CRB1: variants seen among roughly 807,000 people sequenced by gnomAD.
CRB1 encodes the protein protein crumbs homolog 1.
Under a neutral mutation model 120.0 loss-of-function variants are expected in CRB1, and 83 were observed. That is an observed-to-expected ratio of 0.69 (90% CI 0.58 to 0.83). The LOEUF (loss-of-function observed/expected upper bound fraction) is 0.83, where lower values mean the gene tolerates loss of function less well. Ranked by LOEUF, CRB1 falls within the 40% of genes least tolerant of loss-of-function variation. The probability of loss-of-function intolerance (pLI) is 0.00; values close to 1 mark genes in which losing one functional copy is unlikely to be tolerated. For synonymous variants in CRB1, 625 were observed against 612.5 expected (o/e 1.02, Z -0.30); for missense variants, 1,699 against 1,687.6 (o/e 1.01, Z -0.12).
chr1:197,222,338 A>T, the CRB1 span: 1 of 737,788 alleles, frequency 1.4e-6, no homozygotes, highest in East Asian at 2.6e-5. Context: ...AGTGAATCCC[A>T]GACGTGGCTG....
chr1:197,273,750 G>A (rs916120919), intron 1 of CRB1, among the ~76,000 whole-genome samples: 11 of 151,862 alleles, frequency 7.2e-5, no homozygotes, highest in Non-Finnish European at 1.2e-4. Context: ...TTCTTTTCAC[G>A]TACTCCCCAT....
chr1:197,333,162 T>C (rs1397433179), intron 2 of CRB1, among the ~76,000 whole-genome samples: 3 of 151,918 alleles, frequency 2.0e-5, no homozygotes, highest in Non-Finnish European at 2.9e-5. Flanking sequence ...GGCAGAGAGG[T>C]AGAAGGGGAA....
intron 5 of CRB1, among the ~76,000 whole-genome samples, chr1:197,394,169 A>G (rs890777204): frequency 6.6e-6 from 1 of 151,948 alleles, no homozygotes; most frequent in Admixed American, 6.6e-5. Context: ...TTCTACTTCC[A>G]CTTCCTCTGT....
rs2125551434 is a variant in CRB1 at position 197,463,421 on chromosome 1, A to G, written c.4006-14243A>G. 1.3e-5 allele frequency among the ~76,000 whole-genome samples: 2 copies of G among 152,344 alleles called. 1 individual carries two copies. The highest frequency in any genetic ancestry group is 4.1e-4 in the South Asian group (2 of 4,830). ...AGTAATCAGAGAAGCATGATTGGTT[A>G]CATAAGCACTGTGCATAGTAAGAGA... On this transcript the variant is annotated intron_variant, in intron 11 of 11. Transcript: ENST00000367400.
intron 4 of CRB1, among the ~76,000 whole-genome samples, chr1:197,354,907 G>C (rs1282791655): frequency 3.3e-5 from 4 of 121,424 alleles, no homozygotes; most frequent in African/African-American, 1.2e-4. Context: ...GAGCCAATTG[G>C]TCTGTTTTAC....
intron 11 of CRB1, among the ~76,000 whole-genome samples, chr1:197,446,823 T>C (rs1173395943): frequency 1.3e-5 from 2 of 152,204 alleles, no homozygotes; most frequent in Non-Finnish European, 2.9e-5. Context: ...ATATTTTTAA[T>C]ATCTTTGTTG....
intron 6 of CRB1, among the ~76,000 whole-genome samples, chr1:197,423,276 G>T (rs1390598336): frequency 6.6e-6 from 1 of 151,976 alleles, no homozygotes; most frequent in Non-Finnish European, 1.5e-5. Flanking sequence ...CAATCCACTG[G>T]GTTCTGGTTT....
At chr1:197,266,733 C>T (rs1164831245), upstream of CRB1, among the ~76,000 whole-genome samples, 1 of 152,060 alleles carries the variant, frequency 6.6e-6, no homozygotes, top group Non-Finnish European at 1.5e-5. Context: ...ACACTTTTGT[C>T]TTTTGAAAAA....
At chr1:197,369,821 C>A (rs1233068002) in intron 5 of CRB1, among the ~76,000 whole-genome samples, 2 of 152,164 alleles carry the variant, frequency 1.3e-5, no homozygotes, top group African/African-American at 2.4e-5. Flanking sequence ...ATATCCTCAA[C>A]TTTTTTTCTA....
intron 5 of CRB1, among the ~76,000 whole-genome samples, chr1:197,400,557 T>G (rs1343090064): frequency 6.6e-6 from 1 of 152,004 alleles, no homozygotes; most frequent in Non-Finnish European, 1.5e-5. Context: ...TAACTAAATC[T>G]CTTTTGTATC....
intron 1 of CRB1, among the ~76,000 whole-genome samples, chr1:197,279,290 A>G (rs1443580428): frequency 6.6e-6 from 1 of 151,826 alleles, no homozygotes; most frequent in African/African-American, 2.4e-5. Flanking sequence ...ATGCCTGAAA[A>G]TTACATCAAA....
rs544255099 is a variant in CRB1, at chr1:197,269,061, A to T, written c.70+579A>T. On this transcript the variant is annotated intron_variant, in intron 1 of 11. Transcript: ENST00000367400. ...GATATTATTTTCCACAAACTTCCCC[A>T]AATAGAAGCAAGAGCAATGTTTCTG... 4.1e-4 allele frequency among the ~76,000 whole-genome samples: 63 copies of T among 152,340 alleles called. No individual in the cohort carries two copies. In the South Asian group the frequency reaches 0.013, roughly 31 times the overall value.
At chr1:197,240,696 G>C in the CRB1 span, among the ~76,000 whole-genome samples, 2 of 152,156 alleles carry the variant, frequency 1.3e-5, no homozygotes, top group African/African-American at 4.8e-5. Context: ...TGTCTTTATA[G>C]TAGAATGATT....
At chr1:197,204,380 G>T in the CRB1 span, among the ~76,000 whole-genome samples, 1 of 152,280 alleles carries the variant, frequency 6.6e-6, no homozygotes, top group South Asian at 2.1e-4. Flanking sequence ...GGTTGTACTA[G>T]TTCACATTCC....
At chr1:197,354,678 G>A (rs1032593337) in intron 4 of CRB1, among the ~76,000 whole-genome samples, 1 of 152,056 alleles carries the variant, frequency 6.6e-6, no homozygotes, top group Non-Finnish European at 1.5e-5. Flanking sequence ...CATAAAGTCA[G>A]TGTGGACCCA....
intron 3 of CRB1, 132 bp downstream of exon 3, chr1:197,344,608 GA>G: frequency 1.2e-6 from 1 of 802,558 alleles, no homozygotes; most frequent in Non-Finnish European, 2.1e-6. Flanking sequence ...TTTAACTGAT[GA>G]AAACATTCAG....
chr1:197,428,847 T>C (rs1214089746), intron 7 of CRB1: 2 of 923,916 alleles, frequency 2.2e-6, no homozygotes, highest in African/African-American at 3.3e-5. Flanking sequence ...AATCATATGT[T>C]AATAGTAGAC....
At chr1:197,278,338 C>T (rs1571753565) in intron 1 of CRB1, among the ~76,000 whole-genome samples, 1 of 151,952 alleles carries the variant, frequency 6.6e-6, no homozygotes, top group East Asian at 1.9e-4. Flanking sequence ...CCCATATCTA[C>T]TGGTGCTTTG....
chr1:197,291,833 A>G (rs1326436176), intron 1 of CRB1, among the ~76,000 whole-genome samples: 2 of 151,812 alleles, frequency 1.3e-5, no homozygotes, highest in Non-Finnish European at 2.9e-5. Flanking sequence ...TCCCATCTAT[A>G]TTCTCCAGGA....
Sources: gnomAD v4.1 joint callset for allele counts (sites outside exome capture counted in the v4.1 genomes callset) on GRCh38, gnomAD v4.1.1 for gene constraint, MANE v1.5 for transcripts, NCBI Gene and HGNC (gene_info 2026-07-23, HGNC 2026-07-21) for gene names.